Variants in SCOC observed in about 807,000 individuals in gnomAD.
The protein encoded by SCOC is short coiled-coil protein, also known as short coiled coil protein.
SCOC carries 7 observed loss-of-function variants against 9.9 expected under a neutral mutation model. The observed-to-expected ratio is 0.71, with a 90% CI of 0.40 to 1.33. The LOEUF (loss-of-function observed/expected upper bound fraction) is 1.33, where lower values mean the gene tolerates loss of function less well. SCOC is among the 40% of genes most tolerant of loss of function. SCOC has a pLI of 0.01. For missense variants in SCOC, 66 were observed against 89.7 expected (o/e 0.74, Z 1.07); for synonymous variants, 19 against 28.2 (o/e 0.67, Z 1.03).
At chr4:140,373,332 C>T (rs1237373975), upstream of SCOC, 5 of 1,412,750 alleles carry the variant, frequency 3.5e-6, no homozygotes, top group East Asian at 7.9e-5. Flanking sequence ...GGGATTCTCA[C>T]TCCAATTCTC....
intron 1 of SCOC, among the ~76,000 whole-genome samples, chr4:140,303,463 T>C (rs1274020504): frequency 6.6e-6 from 1 of 152,196 alleles, no homozygotes; most frequent in Non-Finnish European, 1.5e-5. Flanking sequence ...CAGGGGTGAC[T>C]ACAGAAGCCC....
intron 1 of SCOC, 132 bp downstream of exon 1, chr4:140,373,849 CT>C (rs1728190615): frequency 1.1e-5 from 11 of 1,014,344 alleles, no homozygotes; most frequent in Non-Finnish European, 1.6e-5. Flanking sequence ...GAGGAGCGGT[CT>C]CGGGCCTGGG....
chr4:140,268,424 A>G (rs574858412), intron 1 of SCOC, among the ~76,000 whole-genome samples: 2 of 152,366 alleles, frequency 1.3e-5, no homozygotes, highest in East Asian at 3.9e-4. Flanking sequence ...GCCTCTGCTA[A>G]GAAATGATGA....
At chr4:140,296,172 C>A (rs919001815) in intron 1 of SCOC, among the ~76,000 whole-genome samples, 2 of 152,090 alleles carry the variant, frequency 1.3e-5, no homozygotes, top group Non-Finnish European at 2.9e-5. Flanking sequence ...GAATCATTAT[C>A]TGGTTGTGAC....
At chr4:140,303,735 A>C (rs1731880367) in intron 1 of SCOC, among the ~76,000 whole-genome samples, 1 of 152,180 alleles carries the variant, frequency 6.6e-6, no homozygotes, top group African/African-American at 2.4e-5. Flanking sequence ...CGCCTGTGCA[A>C]ATCCAGGTAT....
intron 2 of SCOC, among the ~76,000 whole-genome samples, chr4:140,363,187 A>C (rs1204030817): frequency 6.6e-6 from 1 of 152,196 alleles, no homozygotes; most frequent in Admixed American, 6.5e-5. Context: ...ACAAATCAGC[A>C]TGAAGCTCAT....
At chr4:140,284,353 T>C (rs1053599883) in intron 1 of SCOC, 1 of 152,146 alleles carries the variant, frequency 6.6e-6, no homozygotes, top group Non-Finnish European at 1.5e-5. Flanking sequence ...TATGAAAGAA[T>C]GCCAGTGTGA....
rs202182514 is a variant in SCOC at position 140,317,629 on chromosome 4, CTT to C, written c.-18-25979_-18-25978del. Among the ~76,000 whole-genome samples the C allele has an allele frequency of 2.8e-3, 372 of 130,844 alleles. 2 individuals carry two copies. The highest frequency in any genetic ancestry group is 8.1e-3 in the African/African-American group (299 of 36,992). The allele number at this position is 130,844 out of a possible 152,430, so 85.8% of individuals were successfully genotyped here. On this transcript the variant is annotated intron_variant, in intron 1 of 4. Coordinates refer to the SCOC transcript ENST00000394205. The stretch of plus-strand genomic sequence containing the variant: ...TCCCAGCTGAATAAAGCCCTTCCTT[CTT>C]TTTTTTTTTTTTCTACTGTTTGCAT...
rs1365313245 is a variant in SCOC, at chr4:140,374,114, C to G, written c.-51+397C>G. 4.3e-5 allele frequency: 20 copies of G among 467,250 alleles called. 2 individuals carry two copies. The highest frequency in any genetic ancestry group is 3.1e-4 in the South Asian group (20 of 64,396). 28.9% of individuals were successfully genotyped at this position (467,250 alleles called of 1,614,324 possible). ...GCACGCCTGGACCTTCCCGTGGCTG[C>G]TCTGCGAGAGCCTGAGAGATGGGAG... On this transcript the variant is annotated intron_variant, in intron 1 of 3. Coordinates refer to ENST00000608372, the MANE Select transcript of SCOC (RefSeq NM_001153484.2).
intron 1 of SCOC, chr4:140,293,120 A>C (rs1024637798): frequency 8.2e-6 from 3 of 365,158 alleles, no homozygotes; most frequent in Non-Finnish European, 1.6e-5. Flanking sequence ...CGTGTAGCTC[A>C]TGTGTTCCCC....
At chr4:140,312,132 T>G (rs1421478614) in intron 1 of SCOC, among the ~76,000 whole-genome samples, 1 of 152,214 alleles carries the variant, frequency 6.6e-6, no homozygotes, top group Non-Finnish European at 1.5e-5. Flanking sequence ...ATTTCTTAGC[T>G]GCTTTTACCC....
intron 2 of SCOC, among the ~76,000 whole-genome samples, chr4:140,364,914 C>A (rs1019098108): frequency 2.0e-5 from 3 of 152,086 alleles, no homozygotes; most frequent in African/African-American, 7.2e-5. Context: ...CTTAAGAACC[C>A]TTAAGCCTTA....
intron 1 of SCOC, among the ~76,000 whole-genome samples, chr4:140,276,474 G>GT (rs1730986110): frequency 6.6e-6 from 1 of 151,452 alleles, no homozygotes; most frequent in Admixed American, 6.6e-5. Flanking sequence ...TGTTTGTTTT[G>GT]TTTGTTTGAG....
At chr4:140,363,762 A>G (rs1727672214) in intron 2 of SCOC, among the ~76,000 whole-genome samples, 1 of 152,210 alleles carries the variant, frequency 6.6e-6, no homozygotes, top group Non-Finnish European at 1.5e-5. Flanking sequence ...TCTCTGTGTG[A>G]GCAGTTCATC....
At chr4:140,258,662 C>T (rs947801036) in intron 1 of SCOC, among the ~76,000 whole-genome samples, 5 of 152,208 alleles carry the variant, frequency 3.3e-5, no homozygotes, top group Non-Finnish European at 7.3e-5. Context: ...TGAGTTGGAG[C>T]ACAGTGAATC....
At chr4:140,261,755 T>C (rs995493255) in intron 1 of SCOC, among the ~76,000 whole-genome samples, 2 of 151,974 alleles carry the variant, frequency 1.3e-5, no homozygotes, top group African/African-American at 4.8e-5. Context: ...GGGCTGAAGG[T>C]ACAGAGGGAT....
upstream of SCOC, among the ~76,000 whole-genome samples, chr4:140,371,167 G>A (rs974386855): frequency 6.6e-6 from 1 of 152,062 alleles, no homozygotes; most frequent in African/African-American, 2.4e-5. Flanking sequence ...TTACAGCCGT[G>A]AGCCACCGCG....
At chr4:140,375,434 G>T (rs1728303715) in intron 1 of SCOC, among the ~76,000 whole-genome samples, 1 of 152,292 alleles carries the variant, frequency 6.6e-6, no homozygotes, top group South Asian at 2.1e-4. Context: ...TGTTAACCTT[G>T]CCCAGGGTTC....
Position 140,353,514 on chromosome 4 carries a change from G to A in SCOC, c.70+9806G>A, listed in dbSNP as rs150955209. Among the ~76,000 whole-genome samples, 256 of 151,728 alleles carry A rather than the reference G, an allele frequency of 1.7e-3. 3 individuals are homozygous for A. The highest frequency in any genetic ancestry group is 5.3e-3 in the African/African-American group (221 of 41,332). ...CAACCTCTGCCTCCCGCGTTCAAGC[G>A]ATTCTCCTGCCTCATCCTCCTGAGT... On this transcript the variant is annotated intron_variant, in intron 2 of 4. Transcript: ENST00000338517.
Sources: gnomAD v4.1 joint callset for allele counts (sites outside exome capture counted in the v4.1 genomes callset) on GRCh38, gnomAD v4.1.1 for gene constraint, MANE v1.5 for transcripts, NCBI Gene and HGNC (gene_info 2026-07-23, HGNC 2026-07-21) for gene names.